GRIK5: variants seen among roughly 807,000 people sequenced by gnomAD.
GRIK5 encodes glutamate receptor ionotropic, kainate 5.
GRIK5 carries 43 observed loss-of-function variants against 97.4 expected under a neutral mutation model. That is an observed-to-expected ratio of 0.44 (90% CI 0.35 to 0.57). The LOEUF (loss-of-function observed/expected upper bound fraction) is 0.57, where lower values mean the gene tolerates loss of function less well. Among genes scored for constraint, GRIK5 ranks in the 20% least tolerant of loss-of-function variants. The pLI is 0.01. For synonymous variants in GRIK5, 580 were observed against 583.5 expected (o/e 0.99, Z 0.09); for missense variants, 1,015 against 1,382.0 (o/e 0.73, Z 4.21).
At chr19:42,014,942 C>T (rs1014520935) in intron 15 of GRIK5, among the ~76,000 whole-genome samples, 2 of 151,888 alleles carry the variant, frequency 1.3e-5, no homozygotes, top group African/African-American at 2.4e-5. Flanking sequence ...CTAGATGGGC[C>T]GAGACTAAAA....
At position 42,006,671 on chromosome 19, in the gene GRIK5, C is replaced by T. The variant is rs1568881840; in HGVS notation, c.2011G>A (p.Ala671Thr). ...TGGAAGAAGGTCATGGTGGAGCCGG[C>T]GTGGATGGTGCCATACTCGATGTTG... ...QTNIEYGTIHAGSTMTFFQNS... is the reference protein window; with the variant it reads ...QTNIEYGTIHTGSTMTFFQNS... The change falls in exon 16 of 20, where the codon GCC becomes ACC. Residue 671 changes from alanine to threonine, a missense_variant. Around this residue, in one of 5 missense-constraint regions of GRIK5, gnomAD observed 2 missense variants for 21.3 expected, o/e 0.09. Coordinates refer to ENST00000593562, the MANE Select transcript of GRIK5 (RefSeq NM_002088.5). This position sits in a 1 kb window ranked among gnomAD's most constrained non-coding sequence, Gnocchi z 5.3. 1 of 1,613,930 alleles carries T rather than the reference C, an allele frequency of 6.2e-7. No individual in the cohort carries two copies. Among genetic ancestry groups the T allele is most frequent in the Non-Finnish European group, 8.5e-7 (1 of 1,179,976 alleles).
intron 15 of GRIK5, among the ~76,000 whole-genome samples, chr19:42,013,690 G>A (rs998358663): frequency 3.3e-5 from 5 of 151,838 alleles, no homozygotes; most frequent in African/African-American, 1.2e-4. Context: ...GCTTACAGGC[G>A]TGAGCCACCG....
intron 15 of GRIK5, among the ~76,000 whole-genome samples, chr19:42,010,334 G>A (rs1344383556): frequency 2.0e-5 from 3 of 152,072 alleles, no homozygotes; most frequent in Middle Eastern, 6.3e-3. Flanking sequence ...CCCCAGGTAG[G>A]CTAAACACAC....
At chr19:42,008,081 G>T (rs1460111564) in intron 15 of GRIK5, among the ~76,000 whole-genome samples, 1 of 151,906 alleles carries the variant, frequency 6.6e-6, no homozygotes, top group African/African-American at 2.4e-5. Flanking sequence ...ACCCAGGCTG[G>T]AGTGCAGTGG....
At chr19:42,018,818 C>G (rs1028612344) in intron 15 of GRIK5, among the ~76,000 whole-genome samples, 1 of 152,030 alleles carries the variant, frequency 6.6e-6, no homozygotes, top group Non-Finnish European at 1.5e-5. Flanking sequence ...TGTGGCCAGG[C>G]TGCTGCAGAT....
intron 12 of GRIK5, among the ~76,000 whole-genome samples, chr19:42,029,288 G>A (rs577863124): frequency 6.6e-6 from 1 of 151,586 alleles, no homozygotes; most frequent in East Asian, 2.0e-4. Context: ...GGATGGTCTC[G>A]ATCTCTTGAC....
rs755435637 is a variant in GRIK5, at chr19:42,065,114, G to C, written c.244+109C>G. The C allele has an allele frequency of 6.5e-5, 59 of 909,320 alleles. No homozygotes were observed. Among genetic ancestry groups the C allele is most frequent in the Non-Finnish European group, 9.3e-5 (56 of 600,674 alleles). 56.3% of individuals were successfully genotyped at this position (909,320 alleles called of 1,614,324 possible). On this transcript the variant is annotated intron_variant, in intron 3 of 19. Transcript: ENST00000593562. The surrounding 1 kb of genome is among the most constrained non-coding windows in gnomAD (Gnocchi z 5.8). Reference sequence around the variant, plus strand: ...CAGAGACAAACACAAAGAAGGGGGAGGATGGAGCTAGAAGAGGACAAGGCC... The same window carrying C: ...CAGAGACAAACACAAAGAAGGGGGACGATGGAGCTAGAAGAGGACAAGGCC...
At chr19:42,038,603 C>T (rs2075937902) in intron 12 of GRIK5, among the ~76,000 whole-genome samples, 1 of 152,242 alleles carries the variant, frequency 6.6e-6, no homozygotes, top group African/African-American at 2.4e-5. Flanking sequence ...CAGTGTACTC[C>T]GAGCTTCCCA....
chr19:42,003,968 C>A lies in GRIK5; in HGVS notation c.2264-285G>T, dbSNP rs564866370. Among the ~76,000 whole-genome samples, 2 of 152,308 alleles carry A rather than the reference C, an allele frequency of 1.3e-5. No homozygotes were observed. The highest frequency in any genetic ancestry group is 4.1e-4 in the South Asian group (2 of 4,824). Reference sequence around the variant, plus strand: ...CCACTCTCAGACACCCTCACCCCCACGGCTCTCAGCTCCAGCCTCATCAGC... The same window carrying A: ...CCACTCTCAGACACCCTCACCCCCAAGGCTCTCAGCTCCAGCCTCATCAGC... On this transcript the variant is annotated intron_variant, in intron 17 of 19. Transcript: ENST00000593562. This position sits in a 1 kb window ranked among gnomAD's most constrained non-coding sequence, Gnocchi z 4.2.
intron 15 of GRIK5, among the ~76,000 whole-genome samples, chr19:42,019,186 C>T (rs1316703158): frequency 6.6e-6 from 1 of 152,110 alleles, no homozygotes; most frequent in African/African-American, 2.4e-5. Context: ...CTCCCCCAAC[C>T]CTCCTGTGAG....
At chr19:42,001,761 A>T in intron 19 of GRIK5, 1 of 233,240 alleles carries the variant, frequency 4.3e-6, no homozygotes, top group Admixed American at 5.1e-5. Flanking sequence ...GGACCCACAG[A>T]AACTGTGAAC....
intron 15 of GRIK5, among the ~76,000 whole-genome samples, chr19:42,016,730 G>C (rs1018563890): frequency 1.3e-5 from 2 of 152,342 alleles, no homozygotes; most frequent in African/African-American, 4.8e-5. Flanking sequence ...AGCATGGGAA[G>C]TCCAGCAGCA....
chr19:42,017,380 C>T (rs1220411746), intron 15 of GRIK5, among the ~76,000 whole-genome samples: 1 of 152,192 alleles, frequency 6.6e-6, no homozygotes, highest in Admixed American at 6.5e-5. Flanking sequence ...TTTTCCCCTT[C>T]ATATTGCAAT....
intron 12 of GRIK5, among the ~76,000 whole-genome samples, chr19:42,031,749 A>T (rs2075843621): frequency 6.6e-6 from 1 of 152,238 alleles, no homozygotes; most frequent in Non-Finnish European, 1.5e-5. Context: ...GAAAGCCACA[A>T]AAAGGGTATT....
At chr19:42,053,963 T>G in intron 9 of GRIK5, 34 bp from the exon 10 acceptor site, 1 of 1,449,368 alleles carries the variant, frequency 6.9e-7, no homozygotes, top group Non-Finnish European at 9.7e-7. Context: ...AGAGGGAGAG[T>G]GCAGGGGCCC....
In GRIK5 at chr19:42,040,130, A is replaced by G. The variant is rs1721850707; in HGVS notation, c.1473+2422T>C. 2.0e-5 allele frequency among the ~76,000 whole-genome samples: 3 copies of G among 152,226 alleles called. No homozygotes were observed. The South Asian group carries it at 6.2e-4, about 32-fold the overall frequency. The stretch of plus-strand genomic sequence containing the variant: ...TTTACAGTTGAACAAACTACAACCT[A>G]AAGAAATGTTAAGCACTTGCCCAAA... On this transcript the variant is annotated intron_variant, in intron 12 of 19. Transcript: ENST00000593562.
chr19:42,064,760 A>G (rs764220363), intron 3 of GRIK5, among the ~76,000 whole-genome samples: 19 of 152,252 alleles, frequency 1.2e-4, no homozygotes, highest in Non-Finnish European at 2.6e-4. Context: ...TCAGCCCATC[A>G]GTATTCCATA....
chr19:42,013,404 TTTTC>T (rs2075587676), intron 15 of GRIK5, among the ~76,000 whole-genome samples: 9 of 148,690 alleles, frequency 6.1e-5, no homozygotes, highest in Admixed American at 3.3e-4. Context: ...TCTTTTTTTC[TTTTC>T]TTTTTTTTTT....
At chr19:42,018,397 G>GT (rs2075654031) in intron 15 of GRIK5, among the ~76,000 whole-genome samples, 1 of 151,354 alleles carries the variant, frequency 6.6e-6, no homozygotes, top group South Asian at 2.1e-4. Context: ...GCTCACACCT[G>GT]TAATCCCAGC....
Sources: allele counts gnomAD v4.1 joint callset (sites outside exome capture counted in the v4.1 genomes callset), GRCh38; gene constraint gnomAD v4.1.1; regional missense constraint gnomAD v4.1.1; non-coding constraint Gnocchi (gnomAD v3.1); transcripts MANE v1.5; gene names NCBI Gene and HGNC (gene_info 2026-07-23, HGNC 2026-07-21).